CCDC138: variants seen among roughly 807,000 people sequenced by gnomAD.
The protein encoded by CCDC138 is coiled-coil domain-containing protein 138.
CCDC138 carries 66 observed loss-of-function variants against 82.3 expected under a neutral mutation model. The observed-to-expected ratio is 0.80, with a 90% CI of 0.66 to 0.98. The LOEUF (loss-of-function observed/expected upper bound fraction) is 0.98, where lower values mean the gene tolerates loss of function less well. Among genes scored for constraint, CCDC138 ranks in the 50% least tolerant of loss-of-function variants. The probability of loss-of-function intolerance (pLI) is 0.00; values close to 1 mark genes in which losing one functional copy is unlikely to be tolerated. For synonymous variants in CCDC138, 297 were observed against 265.4 expected, an observed-to-expected ratio of 1.12 and a Z score of -1.16; for missense variants, 816 against 758.9, an observed-to-expected ratio of 1.08 and a Z score of -0.88.
Position 108,812,839 on chromosome 2 carries a change from C to G in CCDC138, c.953C>G (p.Thr318Arg), listed in dbSNP as rs770287573. ...DNLQRKYEFMTIQRLKGSSHA... is the reference protein window; with the variant it reads ...DNLQRKYEFMRIQRLKGSSHA... ...TTGCAGAGGAAGTACGAGTTTATGA[C>G]AATACAGAGATTGAAAGGAAGTTCC... The change falls in exon 9 of 15, where the codon ACA (threonine) becomes AGA (arginine). Residue 318 changes from threonine (T) to arginine (R), a missense_variant. Transcript: ENST00000295124. 2.1e-5 allele frequency: 34 copies of G among 1,612,558 alleles called. No homozygotes were observed. Among genetic ancestry groups the G allele is most frequent in the Non-Finnish European group, 1.6e-5 (19 of 1,178,960 alleles).
At chr2:108,851,755 G>A (rs1394624436) in intron 12 of CCDC138, among the ~76,000 whole-genome samples, 1 of 152,174 alleles carries the variant, frequency 6.6e-6, no homozygotes, top group African/African-American at 2.4e-5. Context: ...AAGGAGGGCA[G>A]GAGAAGGTCA....
At chr2:108,848,724 G>T (rs1231203080) in intron 12 of CCDC138, among the ~76,000 whole-genome samples, 1 of 152,124 alleles carries the variant, frequency 6.6e-6, no homozygotes, top group African/African-American at 2.4e-5. Flanking sequence ...CAGAGGCTTA[G>T]CCAACTTTAA....
At chr2:108,845,217 A>G (rs1558720062) in intron 11 of CCDC138, among the ~76,000 whole-genome samples, 1 of 151,994 alleles carries the variant, frequency 6.6e-6, no homozygotes, top group Non-Finnish European at 1.5e-5. Context: ...AAAAACATGT[A>G]TTTTTTTTCT....
chr2:108,877,604 T>C (rs1696117104), downstream of CCDC138, among the ~76,000 whole-genome samples: 1 of 144,988 alleles, frequency 6.9e-6, no homozygotes, highest in African/African-American at 2.5e-5. Context: ...TATATAGAGA[T>C]AGTACTCATG....
intron 11 of CCDC138, among the ~76,000 whole-genome samples, chr2:108,844,748 ATTTT>A (rs558837577): frequency 7.3e-6 from 1 of 136,730 alleles, no homozygotes; most frequent in African/African-American, 2.7e-5. Flanking sequence ...TACTATCCAC[ATTTT>A]TTTTTTTTTT....
At chr2:108,786,761 G>C, upstream of CCDC138, 1 of 1,460,786 alleles carries the variant, frequency 6.8e-7, no homozygotes, top group Non-Finnish European at 9.4e-7. Flanking sequence ...CACTGCGGCC[G>C]CGTAGCGCCG....
intron 10 of CCDC138, among the ~76,000 whole-genome samples, chr2:108,821,750 G>A (rs1018987590): frequency 1.3e-5 from 2 of 151,990 alleles, no homozygotes; most frequent in African/African-American, 4.8e-5. Flanking sequence ...TTCAAGACCA[G>A]CCTGGTCAAC....
At chr2:108,858,658 A>T (rs1215761494) in intron 13 of CCDC138, among the ~76,000 whole-genome samples, 2 of 150,558 alleles carry the variant, frequency 1.3e-5, no homozygotes, top group South Asian at 2.1e-4. Flanking sequence ...GAGATTGGAA[A>T]CCCATTTTAC....
At chr2:108,850,382 C>A (rs1258527288) in intron 12 of CCDC138, among the ~76,000 whole-genome samples, 1 of 152,018 alleles carries the variant, frequency 6.6e-6, no homozygotes, top group Non-Finnish European at 1.5e-5. Context: ...GAAGATAATA[C>A]CTAGTTATAT....
chr2:108,827,177 C>T (rs1686756177), intron 10 of CCDC138, among the ~76,000 whole-genome samples: 1 of 152,042 alleles, frequency 6.6e-6, no homozygotes, highest in South Asian at 2.1e-4. Context: ...CATTGAAAGG[C>T]AGACCTATTT....
At chr2:108,835,420 T>TA (rs1414983449) in intron 10 of CCDC138, among the ~76,000 whole-genome samples, 4 of 152,172 alleles carry the variant, frequency 2.6e-5, no homozygotes, top group East Asian at 1.9e-4. Flanking sequence ...CTATTTCTAA[T>TA]AAAAAAATTC....
chr2:108,786,924 G>T lies in CCDC138; in HGVS notation c.93+9G>T, dbSNP rs1439285389. On this transcript the variant is annotated intron_variant, in intron 1 of 14. Transcript: ENST00000295124. ...GCAGCTGCCCCGACGAGGTGAAGCC[G>T]CCGCCTGAGGTCCGCGGGTGGGCTC... 3 of 1,509,844 alleles carry T rather than the reference G, an allele frequency of 2.0e-6. No homozygotes were observed. The highest frequency in any genetic ancestry group is 2.7e-6 in the Non-Finnish European group (3 of 1,129,014). 93.5% of individuals were successfully genotyped at this position (1,509,844 alleles called of 1,614,324 possible).
intron 10 of CCDC138, among the ~76,000 whole-genome samples, chr2:108,816,844 CCA>C (rs1033580437): frequency 6.6e-6 from 1 of 152,116 alleles, no homozygotes; most frequent in African/African-American, 2.4e-5. Flanking sequence ...CAGGTATACA[CCA>C]CCTTGCCAGC....
Position 108,798,505 on chromosome 2 carries a change from G to A in CCDC138, c.654G>A (p.Leu218=), listed in dbSNP as rs1483565120. ...RERFLLEREQ[L]LFRHENALSK... ...GTTTTTTACTTGAAAGAGAACAACTGCTTTTCAGACATGAAAATGCCTTGA... is the reference window on the plus strand; with the variant it reads ...GTTTTTTACTTGAAAGAGAACAACTACTTTTCAGACATGAAAATGCCTTGA... The change falls in exon 6 of 15, where the codon CTG becomes CTA. Residue 218 remains leucine, a synonymous_variant. Coordinates refer to ENST00000295124, the MANE Select transcript of CCDC138 (RefSeq NM_144978.3). 1.2e-6 allele frequency: 2 copies of A among 1,613,914 alleles called. No homozygotes were observed. Among genetic ancestry groups the A allele is most frequent in the African/African-American group, 1.3e-5 (1 of 75,024 alleles).
chr2:108,856,671 CTTATT>C (rs1692649521), intron 12 of CCDC138, 118 bp from the exon 13 acceptor site: 1 of 857,526 alleles, frequency 1.2e-6, no homozygotes, highest in East Asian at 2.6e-5. Flanking sequence ...ACTGTGATCT[CTTATT>C]TAATTTTTGT....
At chr2:108,861,616 G>T (rs1693627801) in intron 13 of CCDC138, among the ~76,000 whole-genome samples, 1 of 151,922 alleles carries the variant, frequency 6.6e-6, no homozygotes. Flanking sequence ...GAGTAGCTGG[G>T]ACTACAGGTG....
Position 108,846,725 on chromosome 2 carries a change from A to T in CCDC138, c.1324-13A>T, listed in dbSNP as rs187379680. The T allele has an allele frequency of 1.3e-6, 2 of 1,592,314 alleles. No individual in the cohort carries two copies. Among genetic ancestry groups the T allele is most frequent in the African/African-American group, 2.7e-5 (2 of 73,378 alleles). ...ATGAATAAATATACTAAGATTGTACATATTTTTAACAGCACTCGACTATGA... is the reference window on the plus strand; with the variant it reads ...ATGAATAAATATACTAAGATTGTACTTATTTTTAACAGCACTCGACTATGA... On this transcript the variant is annotated splice_polypyrimidine_tract_variant and intron_variant, in intron 11 of 14. Coordinates refer to ENST00000295124, the MANE Select transcript of CCDC138 (RefSeq NM_144978.3).
At chr2:108,864,187 A>G (rs1055237566) in intron 13 of CCDC138, among the ~76,000 whole-genome samples, 2 of 152,222 alleles carry the variant, frequency 1.3e-5, no homozygotes, top group Admixed American at 6.5e-5. Context: ...AACATTGCAT[A>G]TGATGGGGGA....
At chr2:108,791,893 C>A in intron 4 of CCDC138, 91 bp downstream of exon 4, 1 of 1,261,682 alleles carries the variant, frequency 7.9e-7, no homozygotes, top group East Asian at 2.6e-5. Context: ...CACTGGCCCC[C>A]AAGAGTTTGC....
Sources: gnomAD v4.1 joint callset for allele counts (sites outside exome capture counted in the v4.1 genomes callset) on GRCh38, gnomAD v4.1.1 for gene constraint, MANE v1.5 for transcripts, NCBI Gene and HGNC (gene_info 2026-07-23, HGNC 2026-07-21) for gene names.